ZBTB43: variants seen among roughly 807,000 people sequenced by gnomAD.
ZBTB43 encodes the protein zinc finger and BTB domain-containing protein 43.
In ZBTB43, 6 loss-of-function variants were observed where a neutral mutation model predicts 31.1. The ratio of observed to expected loss-of-function variants is 0.19; its 90% CI spans 0.11 to 0.38. ZBTB43 has a LOEUF of 0.38. Among genes scored for constraint, ZBTB43 ranks in the 10% least tolerant of loss-of-function variants. ZBTB43 has a pLI of 1.00. For missense variants in ZBTB43, 379 were observed against 602.1 expected, an observed-to-expected ratio of 0.63 and a Z score of 3.88; for synonymous variants, 212 against 221.7, an observed-to-expected ratio of 0.96 and a Z score of 0.39.
intron 2 of ZBTB43, among the ~76,000 whole-genome samples, chr9:126,811,168 G>A (rs2032239149): frequency 6.7e-6 from 1 of 149,826 alleles, no homozygotes; most frequent in Admixed American, 6.7e-5. Context: ...GTTACAGTGA[G>A]CTGAAGTGGC....
At chr9:126,814,225 G>T (rs2032310355) in intron 2 of ZBTB43, among the ~76,000 whole-genome samples, 1 of 30,066 alleles carries the variant, frequency 3.3e-5, no homozygotes, top group African/African-American at 1.6e-4. Context: ...ACTTCATTGT[G>T]AATTATAGGT....
At chr9:126,809,374 G>A (rs1179956898) in intron 2 of ZBTB43, among the ~76,000 whole-genome samples, 1 of 152,164 alleles carries the variant, frequency 6.6e-6, no homozygotes, top group Non-Finnish European at 1.5e-5. Flanking sequence ...GGGTATTGGT[G>A]TTTTTGTACA....
rs2032892930 is a variant in ZBTB43, at chr9:126,836,988, C to T, written c.*3075C>T. The T allele has an allele frequency of 6.5e-6, 1 of 153,208 alleles. No homozygotes were observed. Among genetic ancestry groups the T allele is most frequent in the Non-Finnish European group, 1.5e-5 (1 of 68,122 alleles). The allele number at this position is 153,208 out of a possible 1,614,324, so 9.5% of individuals were successfully genotyped here. A position where few individuals can be genotyped will look rare whatever the true frequency, so the allele number is the denominator to read the frequency against. On this transcript the variant is annotated 3_prime_UTR_variant, in exon 3 of 3. Coordinates refer to ENST00000373464, the MANE Select transcript of ZBTB43 (RefSeq NM_014007.4). ...GCGTGGTGGCGCACACCTGTAATCCCAGCTACTCGGGAGGCGGAGGCAGGA... is the reference window on the plus strand; with the variant it reads ...GCGTGGTGGCGCACACCTGTAATCCTAGCTACTCGGGAGGCGGAGGCAGGA...
chr9:126,821,054 A>C (rs2032498502), intron 2 of ZBTB43, among the ~76,000 whole-genome samples: 1 of 150,960 alleles, frequency 6.6e-6, no homozygotes, highest in South Asian at 2.1e-4. Flanking sequence ...ACTCTGATGG[A>C]TATCTGGGCA....
At chr9:126,806,317 T>C (rs1272990005) in intron 1 of ZBTB43, among the ~76,000 whole-genome samples, 3 of 152,196 alleles carry the variant, frequency 2.0e-5, no homozygotes, top group Non-Finnish European at 4.4e-5. Context: ...TTCAGTTAAA[T>C]TATAAGAAAC....
upstream of ZBTB43, among the ~76,000 whole-genome samples, chr9:126,804,169 G>C (rs535813312): frequency 1.3e-5 from 2 of 152,254 alleles, no homozygotes; most frequent in South Asian, 4.1e-4. Flanking sequence ...CACTAACATG[G>C]GGGGGCAGTG....
At chr9:126,828,112 G>C (rs1554742654) in intron 2 of ZBTB43, among the ~76,000 whole-genome samples, 1 of 152,078 alleles carries the variant, frequency 6.6e-6, no homozygotes, top group Non-Finnish European at 1.5e-5. Context: ...AGCCATTTTG[G>C]AGGAAAAAAG....
chr9:126,821,874 C>T (rs113053256), intron 2 of ZBTB43, among the ~76,000 whole-genome samples: 2,058 of 151,804 alleles, frequency 0.014, 51 homozygotes, highest in African/African-American at 0.047. Context: ...GATTTTTTTT[C>T]TTTTTTTGAG....
At chr9:126,821,145 A>G (rs2032500364) in intron 2 of ZBTB43, among the ~76,000 whole-genome samples, 1 of 151,958 alleles carries the variant, frequency 6.6e-6, no homozygotes, top group Admixed American at 6.6e-5. Flanking sequence ...AAGGTGGGTG[A>G]ATCGCTTGAG....
intron 2 of ZBTB43, 47 bp from the exon 3 acceptor site, chr9:126,832,440 G>GT: frequency 6.6e-7 from 1 of 1,515,354 alleles, no homozygotes; most frequent in Non-Finnish European, 8.9e-7. Context: ...GATAAAATAA[G>GT]TTTATCTTTG....
intron 2 of ZBTB43, among the ~76,000 whole-genome samples, chr9:126,824,232 G>A (rs1160921739): frequency 2.0e-5 from 3 of 152,204 alleles, no homozygotes; most frequent in Non-Finnish European, 4.4e-5. Flanking sequence ...TCACTTTGTT[G>A]ACCAGGCTGA....
rs145418644 is a variant in ZBTB43 at position 126,829,967 on chromosome 9, C to T, written c.-23-2520C>T. Among the ~76,000 whole-genome samples the T allele has an allele frequency of 2.4e-3, 368 of 152,116 alleles. 4 individuals are homozygous for T. Among genetic ancestry groups the T allele is most frequent in the African/African-American group, 7.6e-3 (317 of 41,508 alleles). On this transcript the variant is annotated intron_variant, in intron 2 of 2. Coordinates refer to ENST00000373464, the MANE Select transcript of ZBTB43 (RefSeq NM_014007.4). ...ATGAAATGTTTTAAGATGTATAAAA[C>T]GATAAATTAATACTTCACTCTAAAA...
At position 126,834,085 on chromosome 9, in the gene ZBTB43, C is replaced by G. The variant is rs1256407992; in HGVS notation, c.*172C>G. ...TAGGCCAATTAAAAAAATCTAATTC[C>G]TCAAATTTGTGTGTTCCAGTCCTGG... On this transcript the variant is annotated 3_prime_UTR_variant, in exon 3 of 3. Transcript: ENST00000373464. 3 of 756,444 alleles carry G rather than the reference C, an allele frequency of 4.0e-6. No individual in the cohort carries two copies. Among genetic ancestry groups the G allele is most frequent in the Non-Finnish European group, 6.0e-6 (3 of 503,904 alleles). The allele number at this position is 756,444 out of a possible 1,614,324, so 46.9% of individuals were successfully genotyped here.
chr9:126,837,801 C>T lies in ZBTB43; in HGVS notation c.*3888C>T, dbSNP rs1426491075. On this transcript the variant is annotated 3_prime_UTR_variant, in exon 3 of 3. Coordinates refer to ENST00000373464, the MANE Select transcript of ZBTB43 (RefSeq NM_014007.4). ...ATTTCAAATCTCTACTGATAGTGCC[C>T]TATGGGGAGATGCTGGAACACATTT... 6.1e-6 allele frequency: 1 copy of T among 163,944 alleles called. No homozygotes were observed. Among genetic ancestry groups the T allele is most frequent in the Non-Finnish European group, 1.5e-5 (1 of 67,740 alleles). The allele number at this position is 163,944 out of a possible 1,614,324, so 10.2% of individuals were successfully genotyped here. A position where few individuals can be genotyped will look rare whatever the true frequency, so the allele number is the denominator to read the frequency against.
At position 126,815,712 on chromosome 9, in the gene ZBTB43, C is replaced by T. The variant is rs114893070; in HGVS notation, c.-24+6797C>T. On this transcript the variant is annotated intron_variant, in intron 2 of 2. Coordinates refer to ENST00000373464, the MANE Select transcript of ZBTB43 (RefSeq NM_014007.4). ...CTGTACCTAACATGCTTAATCTTTC[C>T]TCTACTTTCTTGAAAATATAGAATA... Among the ~76,000 whole-genome samples the T allele has an allele frequency of 2.0e-3, 297 of 148,546 alleles. 2 individuals are homozygous for T. The highest frequency in any genetic ancestry group is 6.8e-3 in the African/African-American group (275 of 40,202).
intron 2 of ZBTB43, among the ~76,000 whole-genome samples, chr9:126,818,436 G>T (rs1564202422): frequency 6.6e-6 from 1 of 152,002 alleles, no homozygotes; most frequent in Non-Finnish European, 1.5e-5. Flanking sequence ...GTAGAGACAG[G>T]GTTTTACCAT....
intron 2 of ZBTB43, among the ~76,000 whole-genome samples, chr9:126,822,625 A>AG (rs2032539722): frequency 6.6e-6 from 1 of 152,168 alleles, no homozygotes; most frequent in Non-Finnish European, 1.5e-5. Flanking sequence ...CCTGTAGTCC[A>AG]GCTCCTTGGG....
chr9:126,804,338 G>T (rs2032075877), upstream of ZBTB43, among the ~76,000 whole-genome samples: 1 of 152,182 alleles, frequency 6.6e-6, no homozygotes, highest in South Asian at 2.1e-4. Flanking sequence ...CATTTACTGA[G>T]CATCTACTAC....
intron 1 of ZBTB43, among the ~76,000 whole-genome samples, chr9:126,808,492 G>C (rs1168321252): frequency 2.0e-5 from 3 of 152,172 alleles, no homozygotes; most frequent in Non-Finnish European, 2.9e-5. Flanking sequence ...AAATTACATA[G>C]TCATTGACCA....
Sources: gnomAD v4.1 joint callset for allele counts (sites outside exome capture counted in the v4.1 genomes callset) on GRCh38, gnomAD v4.1.1 for gene constraint, MANE v1.5 for transcripts, NCBI Gene and HGNC (gene_info 2026-07-23, HGNC 2026-07-21) for gene names.